The following USP15 variants were observed in gnomAD, a reference collection of about 807,000 sequenced individuals.
USP15 encodes the protein ubiquitin specific peptidase 15, also known as ubiquitin carboxyl-terminal hydrolase 15.
In USP15, 18 loss-of-function variants were observed where a neutral mutation model predicts 127.1. The observed-to-expected ratio is 0.14, with a 90% CI of 0.10 to 0.21. The LOEUF is 0.21. Ranked by LOEUF, USP15 falls within the 10% of genes least tolerant of loss-of-function variation. The pLI is 1.00. For synonymous variants in USP15, 364 were observed against 393.7 expected, an observed-to-expected ratio of 0.92 and a Z score of 0.89; for missense variants, 805 against 1,159.9, an observed-to-expected ratio of 0.69 and a Z score of 4.44.
intron 17 of USP15, 84 bp downstream of exon 17, chr12:62,391,970 C>T: frequency 1.6e-6 from 2 of 1,273,066 alleles, no homozygotes; most frequent in Non-Finnish European, 2.2e-6. Context: ...TTGTGTTACA[C>T]TCTTTGCTTC....
chr12:62,266,234 A>C (rs1230233648), intron 1 of USP15, among the ~76,000 whole-genome samples: 2 of 152,216 alleles, frequency 1.3e-5, no homozygotes, highest in African/African-American at 4.8e-5. Context: ...TTACAGAAAT[A>C]ACCCATGAAG....
At chr12:62,294,500 G>T in intron 2 of USP15, 194 bp downstream of exon 2, 2 of 496,540 alleles carry the variant, frequency 4.0e-6, no homozygotes, top group Non-Finnish European at 6.5e-6. Context: ...GACAAGTTTT[G>T]TTTTTCATTT....
intron 5 of USP15, among the ~76,000 whole-genome samples, chr12:62,325,098 A>G (rs1387409683): frequency 2.0e-5 from 3 of 151,942 alleles, no homozygotes; most frequent in African/African-American, 7.2e-5. Flanking sequence ...TATTTTTGCT[A>G]AGTTTTTCTT....
At chr12:62,287,528 C>T (rs1048652288) in intron 1 of USP15, among the ~76,000 whole-genome samples, 1 of 152,008 alleles carries the variant, frequency 6.6e-6, no homozygotes, top group Non-Finnish European at 1.5e-5. Flanking sequence ...GTTGTCTGTT[C>T]TCTCAATTAT....
intron 4 of USP15, among the ~76,000 whole-genome samples, chr12:62,316,159 G>A (rs898664745): frequency 7.9e-5 from 12 of 151,832 alleles, no homozygotes; most frequent in Non-Finnish European, 1.3e-4. Context: ...GTGGGTGTGC[G>A]CCTGTAGTCC....
intron 1 of USP15, among the ~76,000 whole-genome samples, chr12:62,264,594 A>T (rs889265034): frequency 6.6e-6 from 1 of 152,228 alleles, no homozygotes; most frequent in Non-Finnish European, 1.5e-5. Context: ...ATTGCCAAAG[A>T]ATCTGATCAG....
intron 3 of USP15, among the ~76,000 whole-genome samples, chr12:62,309,827 C>T (rs1298592636): frequency 6.6e-6 from 1 of 151,486 alleles, no homozygotes; most frequent in Non-Finnish European, 1.5e-5. Flanking sequence ...TGCTCAACAT[C>T]CATGTATGAT....
chr12:62,378,500 C>G (rs2066899979), intron 8 of USP15, among the ~76,000 whole-genome samples: 1 of 152,062 alleles, frequency 6.6e-6, no homozygotes, highest in African/African-American at 2.4e-5. Context: ...ATGATATCTT[C>G]ACAGATAACA....
chr12:62,392,265 T>A lies in USP15; in HGVS notation c.2305-7T>A. On this transcript the variant is annotated splice_region_variant and splice_polypyrimidine_tract_variant and intron_variant, in intron 17 of 21. Coordinates refer to ENST00000280377, the MANE Select transcript of USP15 (RefSeq NM_001252078.2). ...GTTCTCTTAACTCAAGAAATACTTC[T>A]CTTTAGGACTTTGAAAAACATGAAA... 6.4e-7 allele frequency: 1 copy of A among 1,554,504 alleles called. No homozygotes were observed. The highest frequency in any genetic ancestry group is 8.8e-7 in the Non-Finnish European group (1 of 1,141,124).
intron 1 of USP15, among the ~76,000 whole-genome samples, chr12:62,262,362 T>C (rs1378898755): frequency 1.3e-5 from 2 of 152,224 alleles, no homozygotes; most frequent in African/African-American, 2.4e-5. Context: ...AAGTCCCCGC[T>C]GGCTATTGTA....
intron 8 of USP15, among the ~76,000 whole-genome samples, chr12:62,359,237 T>TG (rs1388018028): frequency 2.2e-5 from 3 of 133,700 alleles, no homozygotes; most frequent in African/African-American, 6.0e-5. Flanking sequence ...AAGTCTGGCT[T>TG]GAAAAAAAAA....
At position 62,404,701 on chromosome 12, in the gene USP15, TG is replaced by T; in HGVS notation, c.*327del. ...TTTTTGGATGTGAGTTGATGACAAATGTTAAATTTGTGGATGTTGGTCATTT... is the reference window on the plus strand; with the variant it reads ...TTTTTGGATGTGAGTTGATGACAAATTTAAATTTGTGGATGTTGGTCATTT... On this transcript the variant is annotated 3_prime_UTR_variant, in exon 22 of 22. Coordinates refer to ENST00000280377, the MANE Select transcript of USP15 (RefSeq NM_001252078.2). 6.0e-6 allele frequency: 1 copy of T among 166,200 alleles called. No individual in the cohort carries two copies. Among genetic ancestry groups the T allele is most frequent in the Non-Finnish European group, 1.3e-5 (1 of 76,970 alleles). 10.3% of individuals were successfully genotyped at this position (166,200 alleles called of 1,614,324 possible).
intron 6 of USP15, chr12:62,335,984 T>G: frequency 1.0e-6 from 1 of 985,192 alleles, no homozygotes; most frequent in Non-Finnish European, 1.2e-6. Flanking sequence ...GTTTTGCAAA[T>G]TGTGCACAGC....
chr12:62,326,954 A>T (rs2065145021), intron 6 of USP15, among the ~76,000 whole-genome samples: 1 of 151,894 alleles, frequency 6.6e-6, no homozygotes, highest in African/African-American at 2.4e-5. Flanking sequence ...ACATGGTGAA[A>T]CCCCATCTCT....
chr12:62,281,966 A>G (rs1276196488), intron 1 of USP15, among the ~76,000 whole-genome samples: 1 of 152,124 alleles, frequency 6.6e-6, no homozygotes, highest in African/African-American at 2.4e-5. Flanking sequence ...CCCTCAGTGG[A>G]TGCCTGAACC....
At chr12:62,395,660 G>A (rs966864045) in intron 19 of USP15, among the ~76,000 whole-genome samples, 1 of 149,830 alleles carries the variant, frequency 6.7e-6, no homozygotes, top group Non-Finnish European at 1.5e-5. Flanking sequence ...CACCACACTT[G>A]TCATCCTCTA....
intron 8 of USP15, among the ~76,000 whole-genome samples, chr12:62,361,629 AT>A (rs1004147183): frequency 2.0e-5 from 3 of 151,770 alleles, no homozygotes; most frequent in Non-Finnish European, 2.9e-5. Context: ...TATTTCAAGG[AT>A]TTTTTTTGTA....
chr12:62,282,643 C>G (rs1055938058), intron 1 of USP15, among the ~76,000 whole-genome samples: 1 of 152,170 alleles, frequency 6.6e-6, no homozygotes, highest in Non-Finnish European at 1.5e-5. Context: ...CCATTCCACC[C>G]AAACTGCCTT....
At position 62,414,998 on chromosome 12, in the gene USP15, C is replaced by CATATATAT. The variant is rs542869860; in HGVS notation, c.*10634_*10641dup. Reference sequence around the variant, plus strand: ...TATATACATATATATCATATATGTACATATATATATATATATATGAGGGAG... The same window carrying CATATATAT: ...TATATACATATATATCATATATGTACATATATATATATATATATATATATATGAGGGAG... On this transcript the variant is annotated 3_prime_UTR_variant, in exon 22 of 22. Coordinates refer to ENST00000280377, the MANE Select transcript of USP15 (RefSeq NM_001252078.2). 1 of 146,028 alleles carries CATATATAT rather than the reference C, an allele frequency of 6.8e-6. No individual in the cohort carries two copies. The highest frequency in any genetic ancestry group is 2.0e-4 in the East Asian group (1 of 5,030). 9.0% of individuals were successfully genotyped at this position (146,028 alleles called of 1,614,324 possible). A position where few individuals can be genotyped will look rare whatever the true frequency, so the allele number is the denominator to read the frequency against.
Sources: allele counts gnomAD v4.1 joint callset (sites outside exome capture counted in the v4.1 genomes callset), GRCh38; gene constraint gnomAD v4.1.1; transcripts MANE v1.5; gene names NCBI Gene and HGNC (gene_info 2026-07-23, HGNC 2026-07-21).